LNPEP: variants seen among roughly 807,000 people sequenced by gnomAD.
LNPEP encodes the protein leucyl-cystinyl aminopeptidase.
In LNPEP, 64 loss-of-function variants were observed where a neutral mutation model predicts 120.6. That is an observed-to-expected ratio of 0.53 (90% confidence interval 0.43 to 0.65). The LOEUF (loss-of-function observed/expected upper bound fraction) is 0.65. LNPEP is among the 30% of genes least tolerant of loss of function. The pLI, the probability that LNPEP is intolerant of heterozygous loss-of-function variation, is 0.00. For missense variants in LNPEP, 1,057 were observed against 1,200.0 expected (o/e 0.88, Z 1.76); for synonymous variants, 435 against 425.4 (o/e 1.02, Z -0.28).
intron 1 of LNPEP, among the ~76,000 whole-genome samples, chr5:96,956,496 C>T (rs989987038): frequency 2.2e-4 from 34 of 152,118 alleles, no homozygotes; most frequent in African/African-American, 7.5e-4. Flanking sequence ...CCAGCCTGGG[C>T]GACTGCGTGA....
At position 96,936,091 on chromosome 5, in the gene LNPEP, C is replaced by T; in HGVS notation, c.-65C>T. ...CGCTGGGCATGCTCAGTCAGCTGGG[C>T]CGCCTCAGCTCTCGGAGTAGGAAGC... On this transcript the variant is annotated 5_prime_UTR_variant, in exon 1 of 18. Coordinates refer to ENST00000231368, the MANE Select transcript of LNPEP (RefSeq NM_005575.3). 1 of 1,505,792 alleles carries T rather than the reference C, an allele frequency of 6.6e-7. No individual in the cohort carries two copies. The highest frequency in any genetic ancestry group is 8.9e-7 in the Non-Finnish European group (1 of 1,124,262). The allele number at this position is 1,505,792 out of a possible 1,614,324, so 93.3% of individuals were successfully genotyped here. A position where few individuals can be genotyped will look rare whatever the true frequency, so the allele number is the denominator to read the frequency against.
intron 6 of LNPEP, 75 bp downstream of exon 6, chr5:96,994,046 A>G: frequency 8.3e-7 from 1 of 1,206,126 alleles, no homozygotes; most frequent in Admixed American, 2.5e-5. Context: ...TAGCATTTAG[A>G]TGCTAATAAT....
intron 1 of LNPEP, among the ~76,000 whole-genome samples, chr5:96,940,546 AAC>A (rs1789027007): frequency 6.6e-6 from 1 of 152,230 alleles, no homozygotes; most frequent in Non-Finnish European, 1.5e-5. Context: ...GAAATATGGA[AAC>A]ACAGAAGAAA....
chr5:97,003,398 A>AT lies in LNPEP; in HGVS notation c.1654-17_1654-16insT. 1.4e-5 allele frequency: 19 copies of AT among 1,363,096 alleles called. No homozygotes were observed. Among genetic ancestry groups the AT allele is most frequent in the Admixed American group, 4.5e-5 (2 of 44,910 alleles). 84.4% of individuals were successfully genotyped at this position (1,363,096 alleles called of 1,614,324 possible). On this transcript the variant is annotated splice_polypyrimidine_tract_variant and intron_variant, in intron 8 of 17. Transcript: ENST00000231368. ...TCTATTATTTTCTTTCTTTTTCCTC[A>AT]CTTTTTTTTTTAATAGGGATCTTCT...
chr5:96,967,709 C>T (rs969394208), intron 1 of LNPEP, among the ~76,000 whole-genome samples: 1 of 152,074 alleles, frequency 6.6e-6, no homozygotes, highest in African/African-American at 2.4e-5. Context: ...TTCCAAGCCT[C>T]CAGTAAACCT....
intron 1 of LNPEP, among the ~76,000 whole-genome samples, chr5:96,974,439 G>T (rs141661782): frequency 1.3e-5 from 2 of 151,946 alleles, no homozygotes; most frequent in Admixed American, 1.3e-4. Context: ...TGGATGCTAC[G>T]CCAGCATTTT....
Position 96,985,233 on chromosome 5 carries a change from C to T in LNPEP, c.999+15C>T, listed in dbSNP as rs1257120289. 12 of 1,584,296 alleles carry T rather than the reference C, an allele frequency of 7.6e-6. No individual in the cohort carries two copies. Among genetic ancestry groups the T allele is most frequent in the South Asian group, 1.2e-5 (1 of 86,170 alleles). On this transcript the variant is annotated intron_variant, in intron 3 of 17. Transcript: ENST00000231368. ...ATATGCCTAAGGTACTGTTCTGTTC[C>T]TTGAATGTAAAAATCTTTGAATGGG...
chr5:96,946,718 G>A (rs1472915846), intron 1 of LNPEP, among the ~76,000 whole-genome samples: 2 of 152,176 alleles, frequency 1.3e-5, no homozygotes, highest in African/African-American at 2.4e-5. Flanking sequence ...TGACAAAGTT[G>A]TTACTATAAA....
At chr5:97,024,008 T>C (rs913916363) in intron 14 of LNPEP, among the ~76,000 whole-genome samples, 1 of 152,140 alleles carries the variant, frequency 6.6e-6, no homozygotes, top group Non-Finnish European at 1.5e-5. Flanking sequence ...TCCAGCTCCT[T>C]ACCGTGCATT....
chr5:97,004,616 C>T (rs2112644001), intron 9 of LNPEP, among the ~76,000 whole-genome samples: 1 of 152,252 alleles, frequency 6.6e-6, no homozygotes, highest in African/African-American at 2.4e-5. Context: ...ACATCACACA[C>T]AGTTTCAAAG....
At chr5:96,954,612 C>G (rs1789396662) in intron 1 of LNPEP, among the ~76,000 whole-genome samples, 1 of 104,878 alleles carries the variant, frequency 9.5e-6, no homozygotes. Flanking sequence ...CTCTCTCTCT[C>G]TCTCTCTATA....
chr5:96,971,614 G>A (rs1561436122), intron 1 of LNPEP, among the ~76,000 whole-genome samples: 1 of 151,700 alleles, frequency 6.6e-6, no homozygotes, highest in Non-Finnish European at 1.5e-5. Context: ...TCTTCAAATT[G>A]GTAATTTCTA....
At chr5:96,969,119 C>CT (rs1167045202) in intron 1 of LNPEP, among the ~76,000 whole-genome samples, 2 of 151,966 alleles carry the variant, frequency 1.3e-5, no homozygotes, top group Non-Finnish European at 2.9e-5. Flanking sequence ...AAAATGAGGG[C>CT]TTTTTTTCCT....
chr5:97,013,769 T>A lies in LNPEP; in HGVS notation c.2157T>A (p.Asn719Lys). The A allele has an allele frequency of 6.2e-7, 1 of 1,612,118 alleles. No homozygotes were observed. The highest frequency in any genetic ancestry group is 8.5e-7 in the Non-Finnish European group (1 of 1,178,866). ...CACTAATCCATCAGTTGAAAATAAATCCTTATGTTCTGAGTGACAAAGACC... is the reference window on the plus strand; with the variant it reads ...CACTAATCCATCAGTTGAAAATAAAACCTTATGTTCTGAGTGACAAAGACC... ...WEALIHQLKI[N>K]PYVLSDKDRA... The change falls in exon 12 of 18, where the codon AAT (asparagine) becomes AAA (lysine). Residue 719 changes from asparagine to lysine, a missense_variant. Coordinates refer to ENST00000231368, the MANE Select transcript of LNPEP (RefSeq NM_005575.3).
intron 12 of LNPEP, among the ~76,000 whole-genome samples, chr5:97,014,128 A>G (rs767990176): frequency 3.9e-5 from 6 of 152,100 alleles, no homozygotes; most frequent in African/African-American, 7.2e-5. Flanking sequence ...ATTTTATTTT[A>G]TAAGAGAATT....
intron 2 of LNPEP, among the ~76,000 whole-genome samples, chr5:96,983,311 CAT>C (rs35304156): frequency 0.41 from 61,776 of 151,912 alleles, 12,629 homozygotes; most frequent in Non-Finnish European, 0.43. Context: ...ACACCAGGGC[CAT>C]ATATTTGCCG....
chr5:97,024,913 T>C (rs1791303649), intron 15 of LNPEP, among the ~76,000 whole-genome samples: 1 of 152,166 alleles, frequency 6.6e-6, no homozygotes, highest in South Asian at 2.1e-4. Context: ...CACAGCCCCC[T>C]CCTACTCCTT....
At chr5:96,960,880 G>GT (rs33918743) in intron 1 of LNPEP, among the ~76,000 whole-genome samples, 26 of 150,086 alleles carry the variant, frequency 1.7e-4, no homozygotes, top group African/African-American at 3.9e-4. Context: ...CAAAAAATAT[G>GT]TTTTTTTTTT....
At chr5:97,022,251 G>T (rs1483073261) in intron 13 of LNPEP, 49 bp from the exon 14 acceptor site, 10 of 1,168,390 alleles carry the variant, frequency 8.6e-6, no homozygotes, top group Admixed American at 6.7e-5. Context: ...TTTTTTTTCT[G>T]ATTGTCCTAA....
Sources: gnomAD v4.1 joint callset for allele counts (sites outside exome capture counted in the v4.1 genomes callset) on GRCh38, gnomAD v4.1.1 for gene constraint, MANE v1.5 for transcripts, NCBI Gene and HGNC (gene_info 2026-07-23, HGNC 2026-07-21) for gene names.